WRAP53: variants seen among roughly 807,000 people sequenced by gnomAD.
WRAP53 encodes telomerase Cajal body protein 1.
In WRAP53, 28 loss-of-function variants were observed where a neutral mutation model predicts 56.6. The ratio of observed to expected loss-of-function variants is 0.50; its 90% CI spans 0.37 to 0.68. WRAP53 has a LOEUF of 0.68. Ranked by LOEUF, WRAP53 falls within the 30% of genes least tolerant of loss-of-function variation. The pLI is 0.00. For synonymous variants in WRAP53, 283 were observed against 283.4 expected (o/e 1.00, Z 0.01); for missense variants, 671 against 715.5 (o/e 0.94, Z 0.71).
Position 7,702,996 on chromosome 17 carries a change from C to A in WRAP53, c.1272C>A (p.Thr424=). The A allele has an allele frequency of 3.1e-6, 5 of 1,613,830 alleles. No individual in the cohort carries two copies. The East Asian group carries it at 8.9e-5, about 29-fold the overall frequency. The change falls in exon 10 of 11, where the codon ACC becomes ACA. Residue 424 remains threonine (T), a synonymous_variant. Coordinates refer to ENST00000396463, the MANE Select transcript of WRAP53 (RefSeq NM_001143992.2). The surrounding 1 kb of genome is among the most constrained non-coding windows in gnomAD (Gnocchi z 5.0). Reference sequence around the variant, plus strand: ...AAATCTCTCCTCTCTCTCGCAGGACCGGGCAGTTCCTAGTGAGTGGCAGCA... The same window carrying A: ...AAATCTCTCCTCTCTCTCGCAGGACAGGGCAGTTCCTAGTGAGTGGCAGCA... ...NQRIYFDLDP[T]GQFLVSGSTS... is the part of the protein sequence containing the mutation.
chr17:7,702,564 A>G lies in WRAP53; in HGVS notation c.1164+12A>G. ...CAGGAGCCCGCAAGGTAGGGGTCAC[A>G]CCCTGAGAGCCCAAAGCAGCTGGGC... On this transcript the variant is annotated intron_variant, in intron 8 of 10. Transcript: ENST00000396463. The surrounding 1 kb of genome is among the most constrained non-coding windows in gnomAD (Gnocchi z 5.0). The G allele has an allele frequency of 6.2e-7, 1 of 1,604,732 alleles. No individual in the cohort carries two copies.
At chr17:7,690,340 C>G (rs2074092393) in intron 4 of WRAP53, among the ~76,000 whole-genome samples, 1 of 152,190 alleles carries the variant, frequency 6.6e-6, no homozygotes, top group South Asian at 2.1e-4. Flanking sequence ...GGTTTGCTTT[C>G]TGTGTGGGAG....
upstream of WRAP53, chr17:7,687,524 A>G (rs2074029160): frequency 1.0e-5 from 4 of 398,698 alleles, no homozygotes; most frequent in East Asian, 3.6e-5. Flanking sequence ...TCTTGAGCAC[A>G]TGGGAGGGGA....
At chr17:7,699,523 T>TATATATAA (rs2074246000) in intron 4 of WRAP53, among the ~76,000 whole-genome samples, 9 of 32,830 alleles carry the variant, frequency 2.7e-4, no homozygotes, top group Non-Finnish European at 4.6e-4. Context: ...TATATATATT[T>TATATATAA]ATATATATAT....
intron 4 of WRAP53, among the ~76,000 whole-genome samples, chr17:7,695,007 C>T (rs2074163362): frequency 6.6e-6 from 1 of 151,714 alleles, no homozygotes; most frequent in South Asian, 2.1e-4. Flanking sequence ...GGCTGGAGTG[C>T]AGTGGCGCGA....
At chr17:7,687,628 A>G (rs2151082916), upstream of WRAP53, 1 of 398,936 alleles carries the variant, frequency 2.5e-6, no homozygotes, top group South Asian at 1.3e-4. Flanking sequence ...TGCCGGAGGA[A>G]GCAAAGGAAA....
rs1041965980 is a variant in WRAP53, at chr17:7,702,175, G to A, written c.956-169G>A. ...GCTTGGGCATTTAGGTCCTTTGGGA[G>A]GATAGATGTGGGGAGCATCAGAGGT... On this transcript the variant is annotated intron_variant, in intron 7 of 10. Transcript: ENST00000396463. The surrounding 1 kb of genome is among the most constrained non-coding windows in gnomAD (Gnocchi z 5.0). 1.3e-6 allele frequency: 1 copy of A among 755,742 alleles called. No homozygotes were observed. Among genetic ancestry groups the A allele is most frequent in the East Asian group, 2.7e-5 (1 of 37,396 alleles). 46.8% of individuals were successfully genotyped at this position (755,742 alleles called of 1,614,324 possible).
chr17:7,703,158 C>A lies in WRAP53; in HGVS notation c.1403+31C>A, dbSNP rs200116995. ...CAGTTCAATTCCAGAGATGTTGGGG[C>A]TTGGGTTGGGGAGGGAGGTGAATCC... On this transcript the variant is annotated intron_variant, in intron 10 of 10. Coordinates refer to ENST00000396463, the MANE Select transcript of WRAP53 (RefSeq NM_001143992.2). 2.6e-4 allele frequency: 426 copies of A among 1,613,710 alleles called. 2 individuals carry two copies. The highest frequency in any genetic ancestry group is 3.6e-5 in the Non-Finnish European group (42 of 1,180,026).
At position 7,702,801 on chromosome 17, in the gene WRAP53, G is replaced by T. The variant is rs116535684; in HGVS notation, c.1223G>T (p.Gly408Val). 3.7e-6 allele frequency: 6 copies of T among 1,613,998 alleles called. No homozygotes were observed. In the Admixed American group the frequency reaches 6.7e-5, roughly 18 times the overall value. The change falls in exon 9 of 11, where the codon GGT becomes GTT. Residue 408 changes from glycine to valine, a missense_variant. By Grantham distance (109) the Gly-to-Val change is moderately radical. This residue lies in a region of WRAP53 where 158 missense variants were observed against 215.7 expected (regional missense o/e 0.73). Coordinates refer to ENST00000396463, the MANE Select transcript of WRAP53 (RefSeq NM_001143992.2). This position sits in a 1 kb window ranked among gnomAD's most constrained non-coding sequence, Gnocchi z 5.0. ...TCTGGTTACCCACTGTGGTCCCTGG[G>T]TCGAGAGGTGACCACCAATCAGCGC... ...RQSGYPLWSL[G>V]REVTTNQRIY... is the part of the protein sequence containing the mutation.
chr17:7,699,458 TTATATATATATATATATTTATA>T (rs1459819288), intron 4 of WRAP53, among the ~76,000 whole-genome samples: 1,218 of 39,804 alleles, frequency 0.031, 81 homozygotes, highest in East Asian at 0.11. Flanking sequence ...ATATATATAT[TTATATATATATATATATTTATA>T]TATATATATA....
At chr17:7,692,062 G>A (rs1299107304) in intron 4 of WRAP53, among the ~76,000 whole-genome samples, 2 of 150,044 alleles carry the variant, frequency 1.3e-5, no homozygotes, top group South Asian at 2.1e-4. Flanking sequence ...GGCTGGTCTC[G>A]AACTCCTGAC....
chr17:7,690,110 G>A (rs1042850930), intron 4 of WRAP53, among the ~76,000 whole-genome samples: 2 of 152,128 alleles, frequency 1.3e-5, no homozygotes, highest in African/African-American at 4.8e-5. Context: ...CATCACACTC[G>A]ACTAATTTTT....
chr17:7,691,102 G>C (rs866179390), intron 4 of WRAP53, among the ~76,000 whole-genome samples: 1 of 151,934 alleles, frequency 6.6e-6, no homozygotes, highest in African/African-American at 2.4e-5. Flanking sequence ...CCAGCTACTT[G>C]AGAGGCTGAA....
Position 7,702,731 on chromosome 17 carries a change from C to G in WRAP53, c.1165-12C>G. 3 of 1,612,832 alleles carry G rather than the reference C, an allele frequency of 1.9e-6. No individual in the cohort carries two copies. The highest frequency in any genetic ancestry group is 2.5e-6 in the Non-Finnish European group (3 of 1,179,820). ...TTTGGGGGTGACTCCAGGTCCTGTTCCTTGTCTCCAGGATGCTGAGCTCCT... is the reference window on the plus strand; with the variant it reads ...TTTGGGGGTGACTCCAGGTCCTGTTGCTTGTCTCCAGGATGCTGAGCTCCT... On this transcript the variant is annotated splice_polypyrimidine_tract_variant and intron_variant, in intron 8 of 10. Transcript: ENST00000396463. This position sits in a 1 kb window ranked among gnomAD's most constrained non-coding sequence, Gnocchi z 5.0.
At chr17:7,699,096 A>G (rs919441681) in intron 4 of WRAP53, among the ~76,000 whole-genome samples, 1 of 149,856 alleles carries the variant, frequency 6.7e-6, no homozygotes, top group African/African-American at 2.5e-5. Context: ...CCTGCAAGAC[A>G]ACGTTAGATA....
Position 7,703,077 on chromosome 17 carries a change from G to A in WRAP53, c.1353G>A (p.Pro451=), listed in dbSNP as rs377204533. 22 of 1,614,132 alleles carry A rather than the reference G, an allele frequency of 1.4e-5. No individual in the cohort carries two copies. Among genetic ancestry groups the A allele is most frequent in the Middle Eastern group, 1.6e-4 (1 of 6,062 alleles). ...ACGGGCCTGGCAATGATGGGAAGCC[G>A]GAGCCCGTGTTGAGTTTTCTGCCCC... ...DTDGPGNDGK[P]EPVLSFLPQK... The change falls in exon 10 of 11, where the codon CCG becomes CCA. Residue 451 remains proline, a synonymous_variant. Coordinates refer to ENST00000396463, the MANE Select transcript of WRAP53 (RefSeq NM_001143992.2).
intron 3 of WRAP53, 37 bp from the exon 4 acceptor site, chr17:7,689,552 TA>T (rs1567571784): frequency 6.3e-7 from 1 of 1,589,896 alleles, no homozygotes; most frequent in Admixed American, 1.7e-5. Flanking sequence ...TTGAAAAGCA[TA>T]GGTCTGGCCA....
chr17:7,688,590 C>G, intron 1 of WRAP53, 29 bp downstream of exon 1: 1 of 1,594,734 alleles, frequency 6.3e-7, no homozygotes. Context: ...GCGTCGGATC[C>G]CTGAGAACTT....
intron 4 of WRAP53, among the ~76,000 whole-genome samples, chr17:7,699,478 A>ATATATATATATATATATATATT (rs2074236038): frequency 6.9e-4 from 5 of 7,272 alleles, no homozygotes; most frequent in Non-Finnish European, 1.1e-3. Context: ...ATATATATTT[A>ATATATATATATATATATATATT]TATATATATA....
Sources: allele counts gnomAD v4.1 joint callset (sites outside exome capture counted in the v4.1 genomes callset), GRCh38; gene constraint gnomAD v4.1.1; regional missense constraint gnomAD v4.1.1; non-coding constraint Gnocchi (gnomAD v3.1); transcripts MANE v1.5; gene names NCBI Gene and HGNC (gene_info 2026-07-23, HGNC 2026-07-21).